SAP30: variants seen among roughly 807,000 people sequenced by gnomAD.
SAP30 encodes Sin3A associated protein 30, also known as histone deacetylase complex subunit SAP30.
In SAP30, 13 loss-of-function variants were observed where a neutral mutation model predicts 19.6. The ratio of observed to expected loss-of-function variants is 0.66; its 90% CI spans 0.43 to 1.05. The LOEUF is 1.05. SAP30 is among the 50% of genes least tolerant of loss of function. The pLI is 0.00. For synonymous variants in SAP30, 108 were observed against 122.7 expected, an observed-to-expected ratio of 0.88 and a Z score of 0.79; for missense variants, 257 against 292.1, an observed-to-expected ratio of 0.88 and a Z score of 0.88.
intron 1 of SAP30, 70 bp from the exon 2 acceptor site, chr4:173,373,320 A>G: frequency 2.2e-6 from 3 of 1,376,110 alleles, no homozygotes; most frequent in Non-Finnish European, 2.9e-6. Flanking sequence ...ACTGTGGCAT[A>G]TGTGTTTTAC....
At position 173,371,472 on chromosome 4, in the gene SAP30, A is replaced by G; in HGVS notation, c.290A>G (p.Lys97Arg). The G allele has an allele frequency of 6.3e-7, 1 of 1,588,234 alleles. No homozygotes were observed. The highest frequency in any genetic ancestry group is 8.5e-7 in the Non-Finnish European group (1 of 1,173,278). ...KRIQKSISQK[K>R]VKIELDKSAR... ...ATCCAGAAGAGCATCTCCCAGAAGA[A>G]GGTGAAGATCGAGCTGGATAAGAGC... Residue 97 changes from lysine (K) to arginine (R), a missense_variant, in exon 1 of 4, where the codon AAG becomes AGG. Transcript: ENST00000296504. The surrounding 1 kb of genome is among the most constrained non-coding windows in gnomAD (Gnocchi z 6.4).
At chr4:173,373,031 G>A (rs1738970986) in intron 1 of SAP30, among the ~76,000 whole-genome samples, 1 of 152,246 alleles carries the variant, frequency 6.6e-6, no homozygotes, top group East Asian at 1.9e-4. Flanking sequence ...TGATCCACCC[G>A]CCTTGGCCTC....
intron 1 of SAP30, among the ~76,000 whole-genome samples, chr4:173,372,204 G>C (rs548166967): frequency 2.0e-5 from 3 of 152,318 alleles, no homozygotes; most frequent in South Asian, 4.1e-4. Context: ...AGAAACAGCC[G>C]TTGCTACTTT....
intron 1 of SAP30, 42 bp from the exon 2 acceptor site, chr4:173,373,348 T>G: frequency 6.5e-7 from 1 of 1,547,720 alleles, no homozygotes; most frequent in Non-Finnish European, 8.7e-7. Flanking sequence ...TAGACACATT[T>G]TACTGTAATC....
intron 3 of SAP30, among the ~76,000 whole-genome samples, chr4:173,376,663 G>T (rs1275075483): frequency 6.6e-6 from 1 of 151,902 alleles, no homozygotes; most frequent in Non-Finnish European, 1.5e-5. Context: ...CTGTTGCCCA[G>T]GCTGAAGTCC....
chr4:173,373,864 TTTG>T (rs1311412799), intron 2 of SAP30, 72 bp from the exon 3 acceptor site: 1 of 665,886 alleles, frequency 1.5e-6, no homozygotes, highest in African/African-American at 1.9e-5. Flanking sequence ...AGTTAAAATG[TTTG>T]TTATTATACA....
intron 1 of SAP30, among the ~76,000 whole-genome samples, chr4:173,372,133 C>T (rs1002329786): frequency 7.9e-5 from 12 of 152,252 alleles, no homozygotes; most frequent in Non-Finnish European, 1.5e-4. Flanking sequence ...GTTTTGCCAT[C>T]CCCTTGGCAG....
In SAP30 at chr4:173,371,087, G is replaced by A. The variant is rs1416275774; in HGVS notation, c.-96G>A. The stretch of plus-strand genomic sequence containing the variant: ...TTTGGCCGTGCCGCTGTCTAACTTG[G>A]TGTGCAGAGTGAATTGCCGCTGCCG... On this transcript the variant is annotated 5_prime_UTR_variant, in exon 1 of 4. It adds an upstream start codon to the 5' untranslated region. Transcript: ENST00000296504. The surrounding 1 kb of genome is among the most constrained non-coding windows in gnomAD (Gnocchi z 6.4). 9.2e-6 allele frequency: 12 copies of A among 1,302,190 alleles called. No individual in the cohort carries two copies. The highest frequency in any genetic ancestry group is 1.2e-5 in the Non-Finnish European group (12 of 1,008,116). The allele number at this position is 1,302,190 out of a possible 1,614,324, so 80.7% of individuals were successfully genotyped here.
rs1738948015 is a variant in SAP30 at position 173,371,989 on chromosome 4, G to C, written c.315+492G>C. Among the ~76,000 whole-genome samples, 1 of 152,240 alleles carries C rather than the reference G, an allele frequency of 6.6e-6. No individual in the cohort carries two copies. The highest frequency in any genetic ancestry group is 6.5e-5 in the Admixed American group (1 of 15,286). ...AAGATCCTGTTCTTTTCTGTGTTCCGTCTCCTCCGGAGCGGAGTGAGAGGG... is the reference window on the plus strand; with the variant it reads ...AAGATCCTGTTCTTTTCTGTGTTCCCTCTCCTCCGGAGCGGAGTGAGAGGG... On this transcript the variant is annotated intron_variant, in intron 1 of 3. Coordinates refer to ENST00000296504, the MANE Select transcript of SAP30 (RefSeq NM_003864.4). This position sits in a 1 kb window ranked among gnomAD's most constrained non-coding sequence, Gnocchi z 6.4.
chr4:173,377,345 C>T lies in SAP30; in HGVS notation c.*18C>T. On this transcript the variant is annotated 3_prime_UTR_variant, in exon 4 of 4. Coordinates refer to ENST00000296504, the MANE Select transcript of SAP30 (RefSeq NM_003864.4). ...TTCACTAGGAGACGTGGAATTGAGA[C>T]TAATAACTTGGATGTTAACACTGTT... is the stretch of plus-strand genomic sequence containing the variant. 1 of 1,593,708 alleles carries T rather than the reference C, an allele frequency of 6.3e-7. No homozygotes were observed. Among genetic ancestry groups the T allele is most frequent in the Non-Finnish European group, 8.5e-7 (1 of 1,172,968 alleles).
Position 173,371,417 on chromosome 4 carries a change from G to A in SAP30, c.235G>A (p.Ala79Thr), listed in dbSNP as rs1738930858. 6.3e-7 allele frequency: 1 copy of A among 1,591,414 alleles called. No homozygotes were observed. The highest frequency in any genetic ancestry group is 8.5e-7 in the Non-Finnish European group (1 of 1,176,086). ...GGAGGATGGTGAGCGGTGCGGCCGG[G>A]CGGCAGGCAACGCCAGCTTCAGCAA... ...LREDGERCGR[A>T]AGNASFSKRI... The change falls in exon 1 of 4, where the codon GCG (alanine) becomes ACG (threonine). Residue 79 changes from alanine to threonine, a missense_variant. Physicochemically the swap from Ala to Thr is moderately conservative, Grantham distance 58 (BLOSUM62 0). Coordinates refer to ENST00000296504, the MANE Select transcript of SAP30 (RefSeq NM_003864.4). This position sits in a 1 kb window ranked among gnomAD's most constrained non-coding sequence, Gnocchi z 6.4.
At chr4:173,374,079 G>A (rs145510723) in intron 3 of SAP30, 42 bp downstream of exon 3, 10 of 1,090,384 alleles carry the variant, frequency 9.2e-6, no homozygotes, top group East Asian at 2.6e-5. Flanking sequence ...CTGCACAACC[G>A]AGAGGTTATT....
In SAP30 at chr4:173,373,496, A is replaced by C. The variant is rs774691350; in HGVS notation, c.422A>C (p.Gln141Pro). 3.1e-6 allele frequency: 5 copies of C among 1,609,436 alleles called. No individual in the cohort carries two copies. The East Asian group carries it at 1.1e-4, about 36-fold the overall frequency. Residue 141 changes from glutamine (Q) to proline (P), a missense_variant, in exon 2 of 4, where the codon CAA becomes CCA. Coordinates refer to ENST00000296504, the MANE Select transcript of SAP30 (RefSeq NM_003864.4). ...SDDDGGDSPV[Q>P]DIDTPEVDLY... is the part of the protein sequence containing the mutation. ...GATGATGGAGGTGATTCACCTGTTCAAGATATTGATACCCCAGAGGTAGAT... is the reference window on the plus strand; with the variant it reads ...GATGATGGAGGTGATTCACCTGTTCCAGATATTGATACCCCAGAGGTAGAT...
At chr4:173,373,873 A>G in intron 2 of SAP30, 66 bp from the exon 3 acceptor site, 1 of 757,696 alleles carries the variant, frequency 1.3e-6, no homozygotes, top group Non-Finnish European at 2.1e-6. Flanking sequence ...GTTTGTTATT[A>G]TACATATCAA....
chr4:173,371,136 A>G lies in SAP30; in HGVS notation c.-47A>G. 1 of 1,416,582 alleles carries G rather than the reference A, an allele frequency of 7.1e-7. No homozygotes were observed. Among genetic ancestry groups the G allele is most frequent in the African/African-American group, 1.5e-5 (1 of 65,474 alleles). 87.8% of individuals were successfully genotyped at this position (1,416,582 alleles called of 1,614,324 possible). ...CGGAGCGGAGAGAGGCGGAGCGGCCAGGAGAGAGGGGATTTCTGTCAGCGC... is the reference window on the plus strand; with the variant it reads ...CGGAGCGGAGAGAGGCGGAGCGGCCGGGAGAGAGGGGATTTCTGTCAGCGC... On this transcript the variant is annotated 5_prime_UTR_variant, in exon 1 of 4. Transcript: ENST00000296504. The surrounding 1 kb of genome is among the most constrained non-coding windows in gnomAD (Gnocchi z 6.4).
chr4:173,375,902 G>T (rs894858954), intron 3 of SAP30, among the ~76,000 whole-genome samples: 3 of 152,296 alleles, frequency 2.0e-5, no homozygotes, highest in Middle Eastern at 3.4e-3. Flanking sequence ...GATTCTCAGA[G>T]GAGTCCAAAC....
chr4:173,371,500 A>T lies in SAP30; in HGVS notation c.315+3A>T. 6.3e-7 allele frequency: 1 copy of T among 1,582,178 alleles called. No individual in the cohort carries two copies. Among genetic ancestry groups the T allele is most frequent in the Non-Finnish European group, 8.6e-7 (1 of 1,169,408 alleles). On this transcript the variant is annotated splice_donor_region_variant and intron_variant, in intron 1 of 3. Coordinates refer to ENST00000296504, the MANE Select transcript of SAP30 (RefSeq NM_003864.4). The surrounding 1 kb of genome is among the most constrained non-coding windows in gnomAD (Gnocchi z 6.4). ...TGAAGATCGAGCTGGATAAGAGCGT[A>T]AGTAAACCGCGGGACCGCCCTGCCC...
intron 1 of SAP30, 35 bp from the exon 2 acceptor site, chr4:173,373,355 A>G (rs923260748): frequency 4.5e-6 from 7 of 1,561,846 alleles, no homozygotes; most frequent in Non-Finnish European, 6.1e-6. Context: ...ATTTTACTGT[A>G]ATCATAAGCA....
Position 173,373,393 on chromosome 4 carries a change from A to G in SAP30, c.319A>G (p.Arg107Gly), listed in dbSNP as rs1266024379. 1.3e-6 allele frequency: 2 copies of G among 1,599,348 alleles called. No individual in the cohort carries two copies. Among genetic ancestry groups the G allele is most frequent in the East Asian group, 2.3e-5 (1 of 44,230 alleles). ...KVKIELDKSA[R>G]HLYICDYHKN... The stretch of plus-strand genomic sequence containing the variant: ...GTGTAAAACTTTTCTGTTTCAGGCA[A>G]GGCATCTTTACATATGTGATTATCA... Residue 107 changes from arginine to glycine, a missense_variant, in exon 2 of 4, where the codon AGG becomes GGG. Transcript: ENST00000296504.
Sources: gnomAD v4.1 joint callset for allele counts (sites outside exome capture counted in the v4.1 genomes callset) on GRCh38, gnomAD v4.1.1 for gene constraint, Gnocchi (gnomAD v3.1) non-coding constraint, MANE v1.5 for transcripts, NCBI Gene and HGNC (gene_info 2026-07-23, HGNC 2026-07-21) for gene names.